Variants in SNTG1 observed in about 807,000 individuals in gnomAD.
The protein encoded by SNTG1 is gamma-1-syntrophin.
A neutral mutation model predicts 74.7 loss-of-function variants in SNTG1; 39 were observed. That is an observed-to-expected ratio of 0.52 (90% CI 0.40 to 0.68). The LOEUF is 0.68. SNTG1 is among the 30% of genes least tolerant of loss of function. SNTG1 has a pLI of 0.00. For missense variants in SNTG1, 685 were observed against 609.5 expected (o/e 1.12, Z -1.30); for synonymous variants, 254 against 217.1 (o/e 1.17, Z -1.49).
chr8:50,767,164 A>T (rs2095615832), intron 18 of SNTG1, among the ~76,000 whole-genome samples: 1 of 151,970 alleles, frequency 6.6e-6, no homozygotes, highest in African/African-American at 2.4e-5. Context: ...GCATTAGTTT[A>T]ACAATTCATA....
intron 15 of SNTG1, among the ~76,000 whole-genome samples, chr8:50,684,070 C>T (rs1330171944): frequency 6.6e-6 from 1 of 152,122 alleles, no homozygotes; most frequent in African/African-American, 2.4e-5. Flanking sequence ...TCTTAGTAGA[C>T]ATTTAAGTGT....
At chr8:50,082,770 C>T (rs140634436) in intron 1 of SNTG1, among the ~76,000 whole-genome samples, 43 of 152,238 alleles carry the variant, frequency 2.8e-4, no homozygotes, top group African/African-American at 1.0e-3. Context: ...GTTTGGATGC[C>T]TTAGCACCCC....
intron 17 of SNTG1, among the ~76,000 whole-genome samples, chr8:50,720,504 C>A (rs1056543300): frequency 3.3e-5 from 5 of 152,126 alleles, no homozygotes; most frequent in African/African-American, 9.7e-5. Context: ...AGTCTACAGT[C>A]TAATGAAAAG....
chr8:50,137,743 G>A (rs563142254), intron 1 of SNTG1, among the ~76,000 whole-genome samples: 124 of 152,216 alleles, frequency 8.1e-4, no homozygotes, highest in Non-Finnish European at 1.3e-3. Context: ...AGACGTCCAG[G>A]CAGGAGGCAG....
chr8:50,113,921 CAAATAAATAAATAAAT>C (rs3086086), intron 1 of SNTG1, among the ~76,000 whole-genome samples: 1 of 149,374 alleles, frequency 6.7e-6, no homozygotes, highest in East Asian at 2.0e-4. Context: ...TAAAAATATA[CAAATAAATAAATAAAT>C]AAATAAATAA....
intron 2 of SNTG1, among the ~76,000 whole-genome samples, chr8:50,312,434 A>G (rs1168111666): frequency 7.2e-6 from 1 of 138,190 alleles, no homozygotes; most frequent in African/African-American, 3.0e-5. Context: ...TAGATAAAAC[A>G]TAATATTTTT....
At chr8:50,472,799 A>G (rs2093663537) in intron 8 of SNTG1, among the ~76,000 whole-genome samples, 1 of 152,110 alleles carries the variant, frequency 6.6e-6, no homozygotes, top group Non-Finnish European at 1.5e-5. Flanking sequence ...TTCGGAATAT[A>G]TAAAGAACTA....
At chr8:50,671,645 A>G (rs914182574) in intron 15 of SNTG1, among the ~76,000 whole-genome samples, 1 of 152,158 alleles carries the variant, frequency 6.6e-6, no homozygotes, top group African/African-American at 2.4e-5. Context: ...GTGATTCCTC[A>G]GAGATCTAGA....
intron 17 of SNTG1, among the ~76,000 whole-genome samples, chr8:50,732,660 A>C (rs544869413): frequency 3.1e-4 from 47 of 152,014 alleles, no homozygotes; most frequent in African/African-American, 1.1e-3. Context: ...TAAGGGCTTA[A>C]AATATATATT....
chr8:50,134,417 GA>G (rs1310021034), intron 1 of SNTG1, among the ~76,000 whole-genome samples: 1 of 152,094 alleles, frequency 6.6e-6, no homozygotes, highest in Non-Finnish European at 1.5e-5. Flanking sequence ...AAAAGAGAGG[GA>G]ATGTAATTGC....
intron 1 of SNTG1, among the ~76,000 whole-genome samples, chr8:49,932,120 A>C (rs973351788): frequency 6.6e-6 from 1 of 152,190 alleles, no homozygotes; most frequent in East Asian, 1.9e-4. Flanking sequence ...ATGAAGCTTC[A>C]AATCCCTTTT....
At chr8:50,209,056 G>A (rs938779764) in intron 2 of SNTG1, among the ~76,000 whole-genome samples, 2 of 152,166 alleles carry the variant, frequency 1.3e-5, no homozygotes, top group Admixed American at 6.5e-5. Context: ...CTTAGAAAAT[G>A]GCACATCAGG....
intron 15 of SNTG1, 46 bp downstream of exon 15, chr8:50,658,709 A>G (rs1281332628): frequency 1.5e-6 from 2 of 1,340,782 alleles, no homozygotes; most frequent in Non-Finnish European, 2.1e-6. Flanking sequence ...TTCCTCAGCA[A>G]ATAGTGCCTC....
intron 1 of SNTG1, among the ~76,000 whole-genome samples, chr8:49,998,970 G>A (rs1252469653): frequency 6.6e-6 from 1 of 152,064 alleles, no homozygotes; most frequent in South Asian, 2.1e-4. Flanking sequence ...TCTATAAAAT[G>A]GATTTGTTGA....
intron 1 of SNTG1, among the ~76,000 whole-genome samples, chr8:49,993,655 G>A (rs543440106): frequency 1.6e-4 from 25 of 152,262 alleles, no homozygotes; most frequent in Non-Finnish European, 3.2e-4. Flanking sequence ...AGAACATATA[G>A]TGTTTGGTTT....
intron 2 of SNTG1, chr8:50,286,667 C>A (rs1222795931): frequency 6.6e-6 from 1 of 152,166 alleles, no homozygotes; most frequent in Non-Finnish European, 1.5e-5. Context: ...TTTCCTCTTC[C>A]TTAATAGTTT....
At chr8:50,151,437 C>T (rs1048148823) in intron 1 of SNTG1, among the ~76,000 whole-genome samples, 1 of 151,996 alleles carries the variant, frequency 6.6e-6, no homozygotes, top group African/African-American at 2.4e-5. Flanking sequence ...TTAGTCATTC[C>T]TTGCCTTCTG....
In SNTG1 at chr8:50,192,167, GTTGTTTTGTTGT is replaced by G. The variant is rs968091945; in HGVS notation, c.-28+19543_-28+19554del. Among the ~76,000 whole-genome samples, 5 of 152,110 alleles carry G rather than the reference GTTGTTTTGTTGT, an allele frequency of 3.3e-5. No individual in the cohort carries two copies. The South Asian group carries it at 6.2e-4, about 19-fold the overall frequency. On this transcript the variant is annotated intron_variant, in intron 2 of 18. Transcript: ENST00000642720. ...GCCAAATCTCCAAAAAGCTTTTGTT[GTTGTTTTGTTGT>G]TTGTTTTGTTTGTCATATCTTTTTA...
intron 5 of SNTG1, among the ~76,000 whole-genome samples, chr8:50,440,700 G>A (rs1427255487): frequency 1.3e-5 from 2 of 152,004 alleles, no homozygotes; most frequent in Admixed American, 6.5e-5. Flanking sequence ...AATCCTCAGC[G>A]GCACACACCG....
Sources: allele counts gnomAD v4.1 joint callset (sites outside exome capture counted in the v4.1 genomes callset), GRCh38; gene constraint gnomAD v4.1.1; transcripts MANE v1.5; gene names NCBI Gene and HGNC (gene_info 2026-07-23, HGNC 2026-07-21).